POF1B: variants seen among roughly 807,000 people sequenced by gnomAD.
POF1B encodes the protein protein POF1B.
A neutral mutation model predicts 55.3 loss-of-function variants in POF1B; 53 were observed. That is an observed-to-expected ratio of 0.96 (90% CI 0.77 to 1.20). The LOEUF (loss-of-function observed/expected upper bound fraction) is 1.20, where lower values mean the gene tolerates loss of function less well. Among genes scored for constraint, POF1B ranks in the 50% most tolerant of loss-of-function variants. The pLI is 0.00. For synonymous variants in POF1B, 188 were observed against 148.3 expected (o/e 1.27, Z -1.95); for missense variants, 478 against 420.5 (o/e 1.14, Z -1.20).
intron 6 of POF1B, among the ~76,000 whole-genome samples, chrX:85,335,670 A>G (rs1168679968): frequency 1.8e-5 from 2 of 110,909 alleles, no homozygotes; most frequent in Non-Finnish European, 3.8e-5. Flanking sequence ...CCTAGTGCAT[A>G]TTAGATTATC....
At chrX:85,312,648 G>A (rs926411338) in intron 9 of POF1B, among the ~76,000 whole-genome samples, 1 of 111,011 alleles carries the variant, frequency 9.0e-6, no homozygotes, top group Non-Finnish European at 1.9e-5. Context: ...GGATTGTCTT[G>A]GATATATGGG....
intron 13 of POF1B, among the ~76,000 whole-genome samples, chrX:85,304,807 A>G (rs752017085): frequency 1.1e-4 from 12 of 111,607 alleles, no homozygotes; most frequent in Non-Finnish European, 2.3e-4. Flanking sequence ...AATTACTACT[A>G]TTATATTCTG....
intron 3 of POF1B, among the ~76,000 whole-genome samples, chrX:85,361,955 C>CAT (rs1491448999): frequency 3.2e-5 from 3 of 94,260 alleles, no homozygotes; most frequent in East Asian, 3.3e-4. Context: ...CTAGGTATTT[C>CAT]GTGTGTGTGT....
intron 3 of POF1B, among the ~76,000 whole-genome samples, chrX:85,367,004 T>C (rs901539793): frequency 9.0e-6 from 1 of 111,481 alleles, no homozygotes; most frequent in Non-Finnish European, 1.9e-5. Context: ...TGACCCCGCA[T>C]CTGGGTCAGA....
intron 8 of POF1B, among the ~76,000 whole-genome samples, chrX:85,314,876 A>C (rs966007969): frequency 8.9e-6 from 1 of 111,758 alleles, no homozygotes; most frequent in Non-Finnish European, 1.9e-5. Flanking sequence ...TGAGTGACAG[A>C]TATGACATTC....
At chrX:85,351,116 C>T (rs113842557) in intron 5 of POF1B, among the ~76,000 whole-genome samples, 2,443 of 111,230 alleles carry the variant, frequency 0.022, 65 homozygotes, top group African/African-American at 0.075. Flanking sequence ...TTCTATGTGA[C>T]TTCACATATC....
intron 6 of POF1B, among the ~76,000 whole-genome samples, chrX:85,335,040 T>C (rs1933044109): frequency 9.0e-6 from 1 of 111,368 alleles, no homozygotes; most frequent in African/African-American, 3.3e-5. Flanking sequence ...AAGGAACAAA[T>C]GACAATCCAG....
chrX:85,284,238 A>G (rs1931981420), intron 15 of POF1B, among the ~76,000 whole-genome samples: 1 of 111,694 alleles, frequency 9.0e-6, no homozygotes, highest in African/African-American at 3.3e-5. Context: ...GCCCAAGGTA[A>G]TTTATAGATT....
At chrX:85,315,626 T>G (rs2147912325) in intron 8 of POF1B, 81 bp downstream of exon 8, 1 of 888,107 alleles carries the variant, frequency 1.1e-6, no homozygotes, top group South Asian at 3.7e-5. Context: ...GGTACTTAAC[T>G]GAAAGAATAT....
In POF1B at chrX:85,282,317, C is replaced by A. The variant is rs1931922085; in HGVS notation, c.1650G>T (p.Lys550Asn). The A allele has an allele frequency of 9.0e-7, 1 of 1,114,033 alleles. No individual in the cohort carries two copies. The highest frequency in any genetic ancestry group is 3.3e-5 in the East Asian group (1 of 30,242). The allele number at this position is 1,114,033 out of a possible 1,213,427, so 91.8% of individuals were successfully genotyped here. ...CTAGGATTGGATATTGTGTCCTGTA[C>A]CTGTTGGCAAGAAAAGAGTTAGTTT... ...TGGRTTITTKKYRTQYPILGL... is the reference protein window; with the variant it reads ...TGGRTTITTKNYRTQYPILGL... The change falls in exon 16 of 17, where the codon AAG becomes AAT. Residue 550 changes from lysine to asparagine, a missense_variant and splice_region_variant. Lys to Asn is a moderately conservative substitution (Grantham distance 94). Coordinates refer to ENST00000262753, the MANE Select transcript of POF1B (RefSeq NM_024921.4).
chrX:85,357,059 T>A (rs551686327), intron 4 of POF1B, among the ~76,000 whole-genome samples: 1 of 111,365 alleles, frequency 9.0e-6, no homozygotes, highest in Admixed American at 9.6e-5. Flanking sequence ...ATTTTCATTT[T>A]CCTCAACTCC....
intron 13 of POF1B, among the ~76,000 whole-genome samples, chrX:85,305,505 A>T (rs991323099): frequency 9.0e-6 from 1 of 111,273 alleles, no homozygotes; most frequent in African/African-American, 3.3e-5. Flanking sequence ...AAGATCATGA[A>T]GAGTCCTCCA....
chrX:85,328,349 C>A (rs1240533159), intron 7 of POF1B, among the ~76,000 whole-genome samples: 1 of 108,845 alleles, frequency 9.2e-6, no homozygotes, highest in East Asian at 2.9e-4. Flanking sequence ...GGACTACAGG[C>A]GCCCGCCACT....
At chrX:85,289,944 A>G (rs979782981) in intron 15 of POF1B, among the ~76,000 whole-genome samples, 8 of 111,789 alleles carry the variant, frequency 7.2e-5, no homozygotes, top group Non-Finnish European at 1.5e-4. Context: ...GCAATAGAAA[A>G]TAATTTTTGT....
intron 2 of POF1B, among the ~76,000 whole-genome samples, chrX:85,375,359 C>T (rs1455768095): frequency 9.0e-6 from 1 of 111,091 alleles, no homozygotes; most frequent in Non-Finnish European, 1.9e-5. Flanking sequence ...CACTTGCCAC[C>T]CTCATATCTT....
intron 7 of POF1B, among the ~76,000 whole-genome samples, chrX:85,322,055 G>T (rs968663398): frequency 2.3e-4 from 25 of 110,831 alleles, no homozygotes; most frequent in Admixed American, 1.5e-3. Context: ...TCCCCATCAA[G>T]CTACCAATGA....
In POF1B at chrX:85,370,637, C is replaced by A. The variant is rs754978173; in HGVS notation, c.283-2871G>T. Among the ~76,000 whole-genome samples the A allele has an allele frequency of 4.9e-4, 54 of 111,312 alleles. No individual in the cohort carries two copies. The Middle Eastern group carries it at 0.014, about 29-fold the overall frequency. On this transcript the variant is annotated intron_variant, in intron 2 of 16. Transcript: ENST00000262753. The stretch of plus-strand genomic sequence containing the variant: ...AAAACCCCTTTTCCCTGGAAGTCTA[C>A]AAAATTAAGTAAGATGGTGTGAGTA...
chrX:85,343,163 C>A (rs1456007504), intron 6 of POF1B, among the ~76,000 whole-genome samples: 1 of 109,368 alleles, frequency 9.1e-6, no homozygotes, highest in East Asian at 2.9e-4. Context: ...ACGTTCTGTA[C>A]ATGTATCCGA....
At chrX:85,310,335 G>A (rs1033725512) in intron 9 of POF1B, among the ~76,000 whole-genome samples, 4 of 111,812 alleles carry the variant, frequency 3.6e-5, no homozygotes, top group Non-Finnish European at 7.5e-5. Context: ...TTGTCTCAAT[G>A]ACAAAATAGA....
Sources: gnomAD v4.1 joint callset for allele counts (sites outside exome capture counted in the v4.1 genomes callset) on GRCh38, gnomAD v4.1.1 for gene constraint, MANE v1.5 for transcripts, NCBI Gene and HGNC (gene_info 2026-07-23, HGNC 2026-07-21) for gene names.